The following CRADD variants were observed in gnomAD, a reference collection of about 807,000 sequenced individuals.
CRADD encodes death domain-containing protein CRADD.
Under a neutral mutation model 15.5 loss-of-function variants are expected in CRADD, and 9 were observed. The ratio of observed to expected loss-of-function variants is 0.58; its 90% CI spans 0.35 to 1.01. CRADD has a LOEUF of 1.01. CRADD is among the 50% of genes least tolerant of loss of function. The pLI is 0.02. For synonymous variants in CRADD, 118 were observed against 107.6 expected (o/e 1.10, Z -0.60); for missense variants, 227 against 250.3 (o/e 0.91, Z 0.63).
At chr12:93,787,497 CTTGTACT>C (rs537638075) in intron 2 of CRADD, among the ~76,000 whole-genome samples, 57 of 152,076 alleles carry the variant, frequency 3.7e-4, no homozygotes, top group African/African-American at 1.4e-3. Flanking sequence ...TCTGCTGAAC[CTTGTACT>C]TAACCTCTTA....
At chr12:93,727,798 T>A (rs1353014842) in intron 2 of CRADD, among the ~76,000 whole-genome samples, 1 of 152,160 alleles carries the variant, frequency 6.6e-6, no homozygotes, top group African/African-American at 2.4e-5. Context: ...CAGGGTGCAC[T>A]CAGCACTGTA....
chr12:93,749,387 G>T (rs1956805436), intron 2 of CRADD, among the ~76,000 whole-genome samples: 2 of 152,116 alleles, frequency 1.3e-5, no homozygotes, highest in South Asian at 4.1e-4. Flanking sequence ...TATAAGTCCT[G>T]GACAGGAGAA....
At chr12:93,766,463 T>C (rs1957028129) in intron 2 of CRADD, among the ~76,000 whole-genome samples, 1 of 152,244 alleles carries the variant, frequency 6.6e-6, no homozygotes, top group African/African-American at 2.4e-5. Flanking sequence ...AATTGTCACC[T>C]GTCACAGTGT....
At chr12:93,882,281 C>T (rs1450505915) in intron 2 of CRADD, among the ~76,000 whole-genome samples, 2 of 150,138 alleles carry the variant, frequency 1.3e-5, no homozygotes, top group African/African-American at 4.9e-5. Context: ...ATTAGCTGGG[C>T]GTGGTGGCAG....
Position 93,693,407 on chromosome 12 carries a change from C to A in CRADD, c.298+14335C>A, listed in dbSNP as rs190491045. On this transcript the variant is annotated intron_variant, in intron 2 of 2. Transcript: ENST00000332896. ...AAATTAACGGGTAGAAAAATATTTT[C>A]CATGCAAATGGAAACCAAAAGAGAG... Among the ~76,000 whole-genome samples the A allele has an allele frequency of 3.3e-5, 5 of 152,082 alleles. No homozygotes were observed. In the East Asian group the frequency reaches 9.7e-4, roughly 29 times the overall value.
intron 2 of CRADD, among the ~76,000 whole-genome samples, chr12:93,808,975 C>T (rs961239740): frequency 5.3e-5 from 8 of 152,088 alleles, no homozygotes; most frequent in African/African-American, 1.2e-4. Flanking sequence ...AGTGCAATGG[C>T]GCCTTCTTGG....
At chr12:93,848,630 C>T (rs1313313993) in intron 2 of CRADD, 1 of 152,400 alleles carries the variant, frequency 6.6e-6, no homozygotes, top group African/African-American at 2.4e-5. Flanking sequence ...TGCCTCTGGG[C>T]CTTTGCACAT....
chr12:93,802,976 A>G (rs145827591), intron 2 of CRADD, among the ~76,000 whole-genome samples: 1 of 152,326 alleles, frequency 6.6e-6, no homozygotes, highest in Non-Finnish European at 1.5e-5. Flanking sequence ...TTTTGCCCCC[A>G]ATGCCAGTTT....
In CRADD at chr12:93,678,633, A is replaced by ATT. The variant is rs1244372854; in HGVS notation, c.-6-135_-6-134dup. The ATT allele has an allele frequency of 3.5e-6, 3 of 850,772 alleles. No homozygotes were observed. In the African/African-American group the frequency reaches 5.1e-5, roughly 15 times the overall value. The allele number at this position is 850,772 out of a possible 1,614,324, so 52.7% of individuals were successfully genotyped here. A position where few individuals can be genotyped will look rare whatever the true frequency, so the allele number is the denominator to read the frequency against. On this transcript the variant is annotated intron_variant, in intron 1 of 2. Transcript: ENST00000332896. ...TAACCTGGCTTGGCTTAATCAGTGA[A>ATT]TTAAATACCATGACCTGGCAGTCTG...
At chr12:93,686,165 G>A (rs1955430793) in intron 2 of CRADD, among the ~76,000 whole-genome samples, 1 of 151,624 alleles carries the variant, frequency 6.6e-6, no homozygotes, top group Non-Finnish European at 1.5e-5. Context: ...ACCGGGTGTG[G>A]TGGCAGGCAC....
chr12:93,813,623 A>G (rs1421022656), intron 2 of CRADD, among the ~76,000 whole-genome samples: 1 of 152,090 alleles, frequency 6.6e-6, no homozygotes, highest in Non-Finnish European at 1.5e-5. Context: ...CTCATGTATC[A>G]GAGTGTGTAT....
At chr12:93,718,815 A>G (rs2136882293) in intron 2 of CRADD, among the ~76,000 whole-genome samples, 1 of 151,306 alleles carries the variant, frequency 6.6e-6, no homozygotes. Flanking sequence ...GCTGGAGTGC[A>G]GTGGTGTGAA....
intron 2 of CRADD, among the ~76,000 whole-genome samples, chr12:93,820,466 G>A (rs1032800114): frequency 2.6e-5 from 4 of 151,742 alleles, no homozygotes; most frequent in African/African-American, 7.3e-5. Context: ...GGAGAATGGC[G>A]TGAACTCAGA....
At chr12:93,765,198 T>A (rs1256879448) in intron 2 of CRADD, among the ~76,000 whole-genome samples, 1 of 152,164 alleles carries the variant, frequency 6.6e-6, no homozygotes, top group Non-Finnish European at 1.5e-5. Context: ...AAACATTATT[T>A]TATCACGAGT....
intron 2 of CRADD, among the ~76,000 whole-genome samples, chr12:93,798,299 C>T (rs1301200921): frequency 6.6e-6 from 1 of 152,140 alleles, no homozygotes; most frequent in East Asian, 1.9e-4. Context: ...GGACACTGCC[C>T]TAGATATAGT....
intron 2 of CRADD, among the ~76,000 whole-genome samples, chr12:93,811,089 T>A (rs1486311008): frequency 6.6e-6 from 1 of 152,180 alleles, no homozygotes; most frequent in African/African-American, 2.4e-5. Context: ...GTGGTCTAGT[T>A]TTTTGAAAGA....
At chr12:93,874,872 A>AG (rs757170760) in intron 2 of CRADD, among the ~76,000 whole-genome samples, 4 of 152,000 alleles carry the variant, frequency 2.6e-5, no homozygotes, top group African/African-American at 4.8e-5. Flanking sequence ...CAATGTGCTG[A>AG]GGAAAAAAAA....
rs1266785752 is a variant in CRADD, at chr12:93,686,957, T to A, written c.298+7885T>A. Among the ~76,000 whole-genome samples, 3 of 152,166 alleles carry A rather than the reference T, an allele frequency of 2.0e-5. No homozygotes were observed. In the South Asian group the frequency reaches 6.2e-4, roughly 32 times the overall value. On this transcript the variant is annotated intron_variant, in intron 2 of 2. Transcript: ENST00000332896. ...TTAAGAGGAGAATTTCCAAGGGCCT[T>A]TAGAGGTATGCTGGAATGAGATTTC...
intron 2 of CRADD, among the ~76,000 whole-genome samples, chr12:93,703,911 C>G (rs1301309550): frequency 6.6e-6 from 1 of 151,300 alleles, no homozygotes; most frequent in Non-Finnish European, 1.5e-5. Context: ...AATTTTATTA[C>G]CTTTGTAGAT....
Sources: allele counts gnomAD v4.1 joint callset (sites outside exome capture counted in the v4.1 genomes callset), GRCh38; gene constraint gnomAD v4.1.1; transcripts MANE v1.5; gene names NCBI Gene and HGNC (gene_info 2026-07-23, HGNC 2026-07-21).